PACC1: variants seen among roughly 807,000 people sequenced by gnomAD.
PACC1 encodes proton activated chloride channel 1, also known as proton-activated chloride channel.
A neutral mutation model predicts 39.7 loss-of-function variants in PACC1; 34 were observed. The ratio of observed to expected loss-of-function variants is 0.86; its 90% CI spans 0.65 to 1.14. The LOEUF (loss-of-function observed/expected upper bound fraction) is 1.14. Ranked by LOEUF, PACC1 falls within the 50% of genes most tolerant of loss-of-function variation. PACC1 has a pLI of 0.00. For synonymous variants in PACC1, 127 were observed against 160.6 expected (o/e 0.79, Z 1.58); for missense variants, 379 against 436.4 (o/e 0.87, Z 1.17).
chr1:212,408,188 C>T (rs1008513686), intron 2 of PACC1, among the ~76,000 whole-genome samples: 24 of 151,972 alleles, frequency 1.6e-4, no homozygotes, highest in African/African-American at 5.6e-4. Flanking sequence ...CTTTACTCAA[C>T]CTCCCTGAGG....
chr1:212,403,972 CCT>C (rs1196808729), intron 2 of PACC1, among the ~76,000 whole-genome samples: 1 of 152,178 alleles, frequency 6.6e-6, no homozygotes, highest in African/African-American at 2.4e-5. Flanking sequence ...TCCTTCTCCC[CCT>C]CTGCTACAGC....
intron 2 of PACC1, among the ~76,000 whole-genome samples, chr1:212,401,622 C>CAAAA (rs770201392): frequency 2.7e-4 from 12 of 44,892 alleles, no homozygotes; most frequent in Non-Finnish European, 3.2e-4. Context: ...ACTCTTGTCT[C>CAAAA]AAAAAAAAAA....
chr1:212,394,205 C>T (rs1661430824), intron 2 of PACC1, among the ~76,000 whole-genome samples: 1 of 152,148 alleles, frequency 6.6e-6, no homozygotes, highest in South Asian at 2.1e-4. Flanking sequence ...ACTGGCAAAC[C>T]GAATCCAGCA....
At position 212,394,309 on chromosome 1, in the gene PACC1, C is replaced by T. The variant is rs188330399; in HGVS notation, c.134-7209G>A. Among the ~76,000 whole-genome samples, 771 of 152,250 alleles carry T rather than the reference C, an allele frequency of 5.1e-3. 30 individuals carry two copies. Among genetic ancestry groups the T allele is most frequent in the Admixed American group, 0.046 (702 of 15,294 alleles). On this transcript the variant is annotated intron_variant, in intron 2 of 7. Coordinates refer to ENST00000261455, the MANE Select transcript of PACC1 (RefSeq NM_018252.3). Reference sequence around the variant, plus strand: ...TATGCAAATCAATAAACATAATCTGCATATAAACAAAACCAAAGACAAAAA... The same window carrying T: ...TATGCAAATCAATAAACATAATCTGTATATAAACAAAACCAAAGACAAAAA...
Position 212,365,332 on chromosome 1 carries a change from G to A in PACC1, c.936C>T (p.Gly312=), listed in dbSNP as rs371543331. Residue 312 remains glycine, a synonymous_variant, in exon 8 of 8, where the codon GGC becomes GGT. Transcript: ENST00000261455. ...NPWNTIALLC[G]AFLALFKAAE... The stretch of plus-strand genomic sequence containing the variant: ...CTGCTTTAAATAATGCCAAGAAGGC[G>A]CCACAGAGAAGAGCAATTGTGTTCC... 170 of 1,612,928 alleles carry A rather than the reference G, an allele frequency of 1.1e-4. No individual in the cohort carries two copies. The highest frequency in any genetic ancestry group is 2.1e-4 in the South Asian group (19 of 90,962).
intron 2 of PACC1, among the ~76,000 whole-genome samples, chr1:212,397,465 A>C (rs754367669): frequency 6.6e-6 from 1 of 152,254 alleles, no homozygotes; most frequent in African/African-American, 2.4e-5. Context: ...ATATCTGCTC[A>C]TAATTATTTA....
intron 1 of PACC1, chr1:212,414,035 A>T: frequency 6.5e-7 from 1 of 1,535,544 alleles, no homozygotes; most frequent in South Asian, 1.2e-5. Context: ...ACAGCTGGAG[A>T]AGTGAGGAGG....
At chr1:212,391,753 T>C (rs1156278481) in intron 2 of PACC1, among the ~76,000 whole-genome samples, 5 of 152,112 alleles carry the variant, frequency 3.3e-5, no homozygotes, top group African/African-American at 9.7e-5. Flanking sequence ...TTAAAGGACC[T>C]GATGGAGCTG....
At chr1:212,381,418 ATTTTG>A (rs750031080) in intron 4 of PACC1, among the ~76,000 whole-genome samples, 17 of 152,044 alleles carry the variant, frequency 1.1e-4, no homozygotes, top group Non-Finnish European at 1.6e-4. Context: ...TTTCTGTACC[ATTTTG>A]TTTTAAGTGT....
chr1:212,410,295 C>G (rs1301716633), intron 2 of PACC1, 130 bp downstream of exon 2: 2 of 802,800 alleles, frequency 2.5e-6, no homozygotes, highest in Non-Finnish European at 4.4e-6. Flanking sequence ...GGCTTTAAAA[C>G]TAGGGCAATA....
At chr1:212,399,308 T>G (rs921301440) in intron 2 of PACC1, among the ~76,000 whole-genome samples, 1 of 152,186 alleles carries the variant, frequency 6.6e-6, no homozygotes, top group African/African-American at 2.4e-5. Flanking sequence ...AGCCAGTAAC[T>G]GGCACAATCA....
chr1:212,401,213 G>A, intron 2 of PACC1, among the ~76,000 whole-genome samples: 1 of 152,100 alleles, frequency 6.6e-6, no homozygotes, highest in Non-Finnish European at 1.5e-5. Context: ...CCCAAGAGTG[G>A]TTACTTCCCC....
intron 7 of PACC1, among the ~76,000 whole-genome samples, chr1:212,373,700 G>C (rs1386498774): frequency 6.6e-6 from 1 of 152,136 alleles, no homozygotes; most frequent in Non-Finnish European, 1.5e-5. Flanking sequence ...GATCTGAATA[G>C]AGATTTATCC....
At position 212,379,941 on chromosome 1, in the gene PACC1, C is replaced by T. The variant is rs778308357; in HGVS notation, c.592G>A (p.Ala198Thr). 5 of 1,614,084 alleles carry T rather than the reference C, an allele frequency of 3.1e-6. No homozygotes were observed. The highest frequency in any genetic ancestry group is 1.3e-5 in the African/African-American group (1 of 74,932). ...GAAGAGAAGAGGAGGTAATCAATGG[C>T]GCTGAAGTCCTCACTACTCTTGTTC... ...RLNKSSEDFS[A>T]IDYLLFSSFQ... is the part of the protein sequence containing the mutation. The change falls in exon 5 of 8, where the codon GCC becomes ACC. Residue 198 changes from alanine to threonine, a missense_variant. By Grantham distance (58) the Ala-to-Thr change is moderately conservative. Transcript: ENST00000261455.
At chr1:212,414,491 T>C (rs1211423038) in intron 1 of PACC1, among the ~76,000 whole-genome samples, 1 of 152,052 alleles carries the variant, frequency 6.6e-6, no homozygotes, top group Admixed American at 6.5e-5. Context: ...ACCTCGGCCA[T>C]GCAACCCGCA....
intron 7 of PACC1, among the ~76,000 whole-genome samples, chr1:212,373,763 ACTAAT>A (rs1374294129): frequency 2.6e-5 from 4 of 152,192 alleles, no homozygotes; most frequent in African/African-American, 9.6e-5. Context: ...GCTCAACAAC[ACTAAT>A]CAATCAGGGA....
At chr1:212,402,849 T>G (rs1269830277) in intron 2 of PACC1, among the ~76,000 whole-genome samples, 1 of 152,164 alleles carries the variant, frequency 6.6e-6, no homozygotes, top group Non-Finnish European at 1.5e-5. Flanking sequence ...AGGTGGAGTT[T>G]CACTATGTTG....
intron 2 of PACC1, among the ~76,000 whole-genome samples, chr1:212,409,874 GA>G (rs1454821105): frequency 6.6e-6 from 1 of 152,226 alleles, no homozygotes; most frequent in African/African-American, 2.4e-5. Context: ...TCATGCCCAA[GA>G]GCTGGAGAGT....
In PACC1 at chr1:212,365,392, A is replaced by G. The variant is rs1220235673; in HGVS notation, c.892-16T>C. 6.3e-7 allele frequency: 1 copy of G among 1,593,838 alleles called. No individual in the cohort carries two copies. The highest frequency in any genetic ancestry group is 1.8e-5 in the Admixed American group (1 of 55,002). ...CAGTGACTATCTGTGAAGCAAACAG[A>G]AACAAACAGGATTACTGGTTTGCTT... On this transcript the variant is annotated splice_polypyrimidine_tract_variant and intron_variant, in intron 7 of 7. Coordinates refer to ENST00000261455, the MANE Select transcript of PACC1 (RefSeq NM_018252.3).
Sources: allele counts gnomAD v4.1 joint callset (sites outside exome capture counted in the v4.1 genomes callset), GRCh38; gene constraint gnomAD v4.1.1; transcripts MANE v1.5; gene names NCBI Gene and HGNC (gene_info 2026-07-23, HGNC 2026-07-21).